Variants in DPF3 observed in about 807,000 individuals in gnomAD.
The protein encoded by DPF3 is double PHD fingers 3.
DPF3 carries 18 observed loss-of-function variants against 56.8 expected under a neutral mutation model. That is an observed-to-expected ratio of 0.32 (90% CI 0.22 to 0.47). The LOEUF (loss-of-function observed/expected upper bound fraction) is 0.47. Among genes scored for constraint, DPF3 ranks in the 20% least tolerant of loss-of-function variants. The pLI is 1.00. For synonymous variants in DPF3, 188 were observed against 180.2 expected, an observed-to-expected ratio of 1.04 and a Z score of -0.35; for missense variants, 403 against 488.8, an observed-to-expected ratio of 0.82 and a Z score of 1.65.
chr14:72,893,211 G>A (rs1331902742), intron 1 of DPF3, among the ~76,000 whole-genome samples: 1 of 152,114 alleles, frequency 6.6e-6, no homozygotes, highest in Non-Finnish European at 1.5e-5. Context: ...CTCGGGCCAG[G>A]AGCCCCAAAA....
chr14:72,747,082 C>T lies in DPF3; in HGVS notation c.301+6182G>A, dbSNP rs574223313. 4.6e-5 allele frequency among the ~76,000 whole-genome samples: 7 copies of T among 152,332 alleles called. 1 individual carries two copies. The South Asian group carries it at 1.2e-3, about 27-fold the overall frequency. On this transcript the variant is annotated intron_variant, in intron 3 of 10. Coordinates refer to ENST00000556509, the MANE Select transcript of DPF3 (RefSeq NM_001280542.3). ...CCTGCCTCAGTCCCACCAACATGGGCTCCTCAGATACATGAGCAGCACAAC... is the reference window on the plus strand; with the variant it reads ...CCTGCCTCAGTCCCACCAACATGGGTTCCTCAGATACATGAGCAGCACAAC...
At chr14:72,703,225 C>G (rs1244269635) in intron 6 of DPF3, among the ~76,000 whole-genome samples, 4 of 152,098 alleles carry the variant, frequency 2.6e-5, no homozygotes, top group Non-Finnish European at 5.9e-5. Context: ...TCTTTCAGGC[C>G]ACCCTTGATG....
At chr14:72,804,224 C>T (rs1055787335) in intron 1 of DPF3, among the ~76,000 whole-genome samples, 331 of 150,302 alleles carry the variant, frequency 2.2e-3, no homozygotes, top group African/African-American at 7.6e-3. Context: ...CACACACACA[C>T]GCAGACAAAG....
intron 1 of DPF3, among the ~76,000 whole-genome samples, chr14:72,797,185 G>A (rs1299827375): frequency 6.6e-6 from 1 of 152,088 alleles, no homozygotes; most frequent in African/African-American, 2.4e-5. Context: ...AATACGCTTG[G>A]GCTAGCCTGC....
chr14:72,677,942 A>G (rs1347699747), intron 7 of DPF3, among the ~76,000 whole-genome samples: 1 of 150,878 alleles, frequency 6.6e-6, no homozygotes. Flanking sequence ...GGTCATGCCT[A>G]TCCACTCAGC....
rs115084874 is a variant in DPF3, at chr14:72,681,673, A to G, written c.743-7305T>C. Among the ~76,000 whole-genome samples the G allele has an allele frequency of 3.2e-3, 493 of 152,352 alleles. 5 individuals carry two copies. The highest frequency in any genetic ancestry group is 0.011 in the African/African-American group (472 of 41,566). ...AATATTTACTCCCAAAAACTGTGCC[A>G]TAAAAGCAGAAAACATATCCACTCA... On this transcript the variant is annotated intron_variant, in intron 7 of 10. Transcript: ENST00000556509.
In DPF3 at chr14:72,618,516, T is replaced by C. The variant is rs1430942309; in HGVS notation, c.*781A>G. Among the ~76,000 whole-genome samples the C allele has an allele frequency of 1.3e-5, 2 of 152,186 alleles. No homozygotes were observed. Among genetic ancestry groups the C allele is most frequent in the Non-Finnish European group, 2.9e-5 (2 of 68,036 alleles). On this transcript the variant is annotated 3_prime_UTR_variant, in exon 11 of 11. Transcript: ENST00000556509. ...GGTCTCACCTAAAGGATGCCCCAGC[T>C]CTGAAGGTCAAGGAACCAGCCTGGC...
chr14:72,773,381 G>A (rs1049110258), intron 1 of DPF3, among the ~76,000 whole-genome samples: 8 of 152,000 alleles, frequency 5.3e-5, no homozygotes, highest in East Asian at 3.8e-4. Flanking sequence ...CGATCCACCC[G>A]CCTCAGCCTC....
chr14:72,842,220 G>A (rs149957362), intron 1 of DPF3, among the ~76,000 whole-genome samples: 6 of 152,086 alleles, frequency 3.9e-5, no homozygotes, highest in Middle Eastern at 6.8e-3. Flanking sequence ...CCTGCCCCAT[G>A]ACCCAGTAAC....
intron 1 of DPF3, among the ~76,000 whole-genome samples, chr14:72,792,106 C>T (rs927415320): frequency 2.0e-5 from 3 of 152,086 alleles, no homozygotes; most frequent in Admixed American, 6.5e-5. Flanking sequence ...CCCCCAACCC[C>T]GACCCACTGC....
chr14:72,886,755 C>A (rs1181465475), intron 1 of DPF3, among the ~76,000 whole-genome samples: 3 of 152,032 alleles, frequency 2.0e-5, no homozygotes, highest in Non-Finnish European at 4.4e-5. Flanking sequence ...GCCATGGAAG[C>A]TTTCCACCAA....
chr14:72,881,829 G>A (rs1019834539), intron 1 of DPF3, among the ~76,000 whole-genome samples: 4 of 152,176 alleles, frequency 2.6e-5, no homozygotes, highest in African/African-American at 9.7e-5. Context: ...CTGCCACTGA[G>A]ATGGCTGTGA....
At chr14:72,830,636 G>A (rs781052479) in intron 1 of DPF3, among the ~76,000 whole-genome samples, 8 of 152,142 alleles carry the variant, frequency 5.3e-5, no homozygotes, top group African/African-American at 1.2e-4. Flanking sequence ...TGTGACCATC[G>A]GGAACGGAAG....
intron 5 of DPF3, among the ~76,000 whole-genome samples, chr14:72,718,124 T>G (rs1365157942): frequency 2.0e-5 from 3 of 151,892 alleles, no homozygotes; most frequent in Admixed American, 1.3e-4. Context: ...GCAGGAAGAA[T>G]GAAGGAGGGA....
chr14:72,619,857 TAGTAG>T, intron 10 of DPF3, 41 bp downstream of exon 10: 1 of 1,480,420 alleles, frequency 6.8e-7, no homozygotes, highest in Non-Finnish European at 9.0e-7. Flanking sequence ...GTGCTAGTAG[TAGTAG>T]TATCTGTTGC....
In DPF3 at chr14:72,829,229, A is replaced by C. The variant is rs562604467; in HGVS notation, c.33-57336T>G. Among the ~76,000 whole-genome samples, 324 of 152,288 alleles carry C rather than the reference A, an allele frequency of 2.1e-3. 1 individual carries two copies. The highest frequency in any genetic ancestry group is 5.0e-3 in the South Asian group (24 of 4,828). ...GAGATTATTAAGATCATTAGGGCAA[A>C]ATTCCTTTTGACCTCCCATAAGGCC... is the stretch of plus-strand genomic sequence containing the variant. On this transcript the variant is annotated intron_variant, in intron 1 of 10. Transcript: ENST00000556509.
chr14:72,628,850 A>G (rs571025156), intron 9 of DPF3, among the ~76,000 whole-genome samples: 108 of 152,368 alleles, frequency 7.1e-4, no homozygotes, highest in African/African-American at 2.4e-3. Context: ...TGATTTCTTC[A>G]ACAAAGAATT....
chr14:72,716,152 T>C (rs1162687258), intron 5 of DPF3, among the ~76,000 whole-genome samples: 1 of 151,586 alleles, frequency 6.6e-6, no homozygotes, highest in Non-Finnish European at 1.5e-5. Context: ...AGACTAAAAA[T>C]ACCTCCATGG....
intron 2 of DPF3, among the ~76,000 whole-genome samples, chr14:72,761,042 T>C (rs1891049592): frequency 6.6e-6 from 1 of 152,050 alleles, no homozygotes; most frequent in African/African-American, 2.4e-5. Context: ...CAATACTAAA[T>C]GTTTATACAC....
Sources: gnomAD v4.1 joint callset for allele counts (sites outside exome capture counted in the v4.1 genomes callset) on GRCh38, gnomAD v4.1.1 for gene constraint, MANE v1.5 for transcripts, NCBI Gene and HGNC (gene_info 2026-07-23, HGNC 2026-07-21) for gene names.